The following ZNF385B variants were observed in gnomAD, a reference collection of about 807,000 sequenced individuals.
The protein encoded by ZNF385B is zinc finger protein 385B.
Under a neutral mutation model 39.2 loss-of-function variants are expected in ZNF385B, and 23 were observed. The ratio of observed to expected loss-of-function variants is 0.59; its 90% CI spans 0.42 to 0.83. ZNF385B has a LOEUF of 0.83. ZNF385B is among the 40% of genes least tolerant of loss of function. The pLI is 0.00. For missense variants in ZNF385B, 552 were observed against 598.9 expected (o/e 0.92, Z 0.82); for synonymous variants, 205 against 222.6 (o/e 0.92, Z 0.70).
In ZNF385B at chr2:179,751,380, G is replaced by T. The variant is rs188611278; in HGVS notation, c.298+18123C>A. Among the ~76,000 whole-genome samples the T allele has an allele frequency of 6.6e-5, 10 of 152,140 alleles. No homozygotes were observed. The East Asian group carries it at 1.7e-3, about 26-fold the overall frequency. ...CTATCATACTTTCAATATACTCATG[G>T]CACCATCTTGTGGTAATTCTGTGGT... On this transcript the variant is annotated intron_variant, in intron 3 of 9. Transcript: ENST00000410066.
intron 3 of ZNF385B, among the ~76,000 whole-genome samples, chr2:179,661,258 T>A (rs1195743874): frequency 6.6e-6 from 1 of 152,192 alleles, no homozygotes; most frequent in East Asian, 1.9e-4. Flanking sequence ...GAGAAATGGC[T>A]AAGGATGACA....
chr2:179,748,233 G>C (rs142736079), intron 3 of ZNF385B, among the ~76,000 whole-genome samples: 2 of 151,878 alleles, frequency 1.3e-5, no homozygotes, highest in East Asian at 3.9e-4. Context: ...ACTAGGACAT[G>C]GAAAAGATAG....
At chr2:179,513,922 T>C (rs1246202699) in intron 5 of ZNF385B, among the ~76,000 whole-genome samples, 2 of 152,220 alleles carry the variant, frequency 1.3e-5, no homozygotes, top group African/African-American at 4.8e-5. Flanking sequence ...ATTTATTGAC[T>C]GAAAATCTAG....
At chr2:179,695,793 T>G (rs1250338759) in intron 3 of ZNF385B, among the ~76,000 whole-genome samples, 1 of 152,222 alleles carries the variant, frequency 6.6e-6, no homozygotes, top group Non-Finnish European at 1.5e-5. Context: ...TGTATGCAAT[T>G]GTTTACAGCG....
At chr2:179,549,572 T>G (rs1186679625) in intron 3 of ZNF385B, among the ~76,000 whole-genome samples, 1 of 149,694 alleles carries the variant, frequency 6.7e-6, no homozygotes, top group Non-Finnish European at 1.5e-5. Context: ...CTATTAAAAT[T>G]TCCACCAATG....
At position 179,742,129 on chromosome 2, in the gene ZNF385B, C is replaced by G. The variant is rs537745411; in HGVS notation, c.298+27374G>C. ...TACTGATACTTATTTAATGTGCTGC[C>G]TTTATTATACTAGTAATTATAGAAG... On this transcript the variant is annotated intron_variant, in intron 3 of 9. Transcript: ENST00000410066. Among the ~76,000 whole-genome samples, 39 of 152,112 alleles carry G rather than the reference C, an allele frequency of 2.6e-4. No homozygotes were observed. The South Asian group carries it at 7.9e-3, about 31-fold the overall frequency.
chr2:179,801,173 C>A (rs1327660728), intron 1 of ZNF385B, among the ~76,000 whole-genome samples: 1 of 152,020 alleles, frequency 6.6e-6, no homozygotes, highest in African/African-American at 2.4e-5. Context: ...AATATAGGCA[C>A]TTTTCTGCTA....
intron 3 of ZNF385B, among the ~76,000 whole-genome samples, chr2:179,725,438 T>C (rs1700942347): frequency 6.6e-6 from 1 of 152,032 alleles, no homozygotes; most frequent in South Asian, 2.1e-4. Context: ...TGCATGTATA[T>C]ATATTTATGA....
At chr2:179,672,969 G>A (rs985330209) in intron 3 of ZNF385B, among the ~76,000 whole-genome samples, 1 of 152,102 alleles carries the variant, frequency 6.6e-6, no homozygotes, top group African/African-American at 2.4e-5. Flanking sequence ...CTGCAAGGTG[G>A]GGAGTTAAAA....
intron 3 of ZNF385B, among the ~76,000 whole-genome samples, chr2:179,579,045 A>G (rs773709565): frequency 3.3e-5 from 5 of 152,106 alleles, no homozygotes; most frequent in Non-Finnish European, 5.9e-5. Flanking sequence ...ACAGTAAATT[A>G]CCTGACAAAT....
chr2:179,562,423 C>T (rs773764300), intron 3 of ZNF385B: 12 of 985,252 alleles, frequency 1.2e-5, no homozygotes, highest in Middle Eastern at 5.2e-4. Flanking sequence ...TTACAGTCCA[C>T]GTTCACGTCT....
intron 3 of ZNF385B, chr2:179,745,919 T>TAAGCCTTTACATGCTGGCAA: frequency 8.0e-7 from 1 of 1,244,180 alleles, no homozygotes; most frequent in Non-Finnish European, 1.0e-6. Flanking sequence ...ATTGCACTGC[T>TAAGCCTTTACATGCTGGCAA]CATTGAAAAT....
Position 179,446,490 on chromosome 2 carries a change from T to C in ZNF385B, c.961+35A>G, listed in dbSNP as rs750783707. 6.3e-6 allele frequency: 10 copies of C among 1,587,340 alleles called. No homozygotes were observed. In the East Asian group the frequency reaches 6.7e-5, roughly 11 times the overall value. ...TGATGGGAAAAGTTGGGTTTTGTTA[T>C]AAACATTATTTAAATGCAAAAGATA... On this transcript the variant is annotated intron_variant, in intron 7 of 9. Coordinates refer to ENST00000410066, the MANE Select transcript of ZNF385B (RefSeq NM_152520.6).
chr2:179,506,265 C>T (rs2057247894), intron 5 of ZNF385B, among the ~76,000 whole-genome samples: 2 of 152,026 alleles, frequency 1.3e-5, no homozygotes, highest in Non-Finnish European at 2.9e-5. Flanking sequence ...TTCAGAATTT[C>T]AATTCTTTCA....
At chr2:179,531,167 A>G (rs2059226282) in intron 4 of ZNF385B, among the ~76,000 whole-genome samples, 1 of 152,190 alleles carries the variant, frequency 6.6e-6, no homozygotes. Context: ...CTCCTCAGGT[A>G]ACACCTGAAC....
At chr2:179,667,187 A>G (rs1014303865) in intron 3 of ZNF385B, among the ~76,000 whole-genome samples, 2 of 152,060 alleles carry the variant, frequency 1.3e-5, no homozygotes, top group Non-Finnish European at 2.9e-5. Context: ...ATTTCTGTGG[A>G]TTTTTTTCCC....
At chr2:179,490,971 T>C (rs1389171509) in intron 5 of ZNF385B, among the ~76,000 whole-genome samples, 1 of 152,212 alleles carries the variant, frequency 6.6e-6, no homozygotes, top group Non-Finnish European at 1.5e-5. Context: ...TGAAAAATCA[T>C]CTTCTTTTAT....
At chr2:179,783,926 G>C (rs1704829725) in intron 1 of ZNF385B, among the ~76,000 whole-genome samples, 1 of 152,118 alleles carries the variant, frequency 6.6e-6, no homozygotes, top group African/African-American at 2.4e-5. Flanking sequence ...ATTCCTCAAA[G>C]AGCTAAAAGC....
chr2:179,566,874 G>A (rs1684636916), intron 3 of ZNF385B, among the ~76,000 whole-genome samples: 1 of 149,968 alleles, frequency 6.7e-6, no homozygotes, highest in Non-Finnish European at 1.5e-5. Flanking sequence ...TTATTTTAGA[G>A]TAACTCTTGA....
Sources: allele counts gnomAD v4.1 joint callset (sites outside exome capture counted in the v4.1 genomes callset), GRCh38; gene constraint gnomAD v4.1.1; transcripts MANE v1.5; gene names NCBI Gene and HGNC (gene_info 2026-07-23, HGNC 2026-07-21).